The following TBC1D5 variants were observed in gnomAD, a reference collection of about 807,000 sequenced individuals.
TBC1D5 encodes TBC1 domain family, member 5.
In TBC1D5, 75 loss-of-function variants were observed where a neutral mutation model predicts 100.3. The observed-to-expected ratio is 0.75, with a 90% confidence interval of 0.62 to 0.91. TBC1D5 has a LOEUF of 0.91. Ranked by LOEUF, TBC1D5 falls within the 40% of genes least tolerant of loss-of-function variation. The pLI, the probability that TBC1D5 is intolerant of heterozygous loss-of-function variation, is 0.00. For synonymous variants in TBC1D5, 323 were observed against 325.6 expected (o/e 0.99, Z 0.09); for missense variants, 910 against 942.4 (o/e 0.97, Z 0.45).
At chr3:17,246,589 C>A (rs1414929396) in intron 16 of TBC1D5, among the ~76,000 whole-genome samples, 1 of 152,200 alleles carries the variant, frequency 6.6e-6, no homozygotes, top group East Asian at 1.9e-4. Context: ...ATGGATCACA[C>A]ATATATGGCC....
At chr3:17,399,736 G>A (rs977240482) in intron 8 of TBC1D5, among the ~76,000 whole-genome samples, 15 of 152,218 alleles carry the variant, frequency 9.9e-5, no homozygotes, top group African/African-American at 3.6e-4. Flanking sequence ...CCTGGCCTTT[G>A]CTCTCCTCTC....
intron 1 of TBC1D5, among the ~76,000 whole-genome samples, chr3:17,695,547 A>G (rs2071908274): frequency 6.6e-6 from 1 of 152,228 alleles, no homozygotes; most frequent in African/African-American, 2.4e-5. Flanking sequence ...AGAAAAGCTA[A>G]CTATCCTAAA....
intron 2 of TBC1D5, among the ~76,000 whole-genome samples, chr3:17,537,716 A>G (rs2096297152): frequency 6.6e-6 from 1 of 152,198 alleles, no homozygotes; most frequent in South Asian, 2.1e-4. Context: ...CAAGGTTCAC[A>G]TATGTTGTGG....
intron 13 of TBC1D5, among the ~76,000 whole-genome samples, chr3:17,310,780 A>C (rs972758055): frequency 6.6e-6 from 1 of 152,078 alleles, no homozygotes; most frequent in African/African-American, 2.4e-5. Context: ...TAAGTTGTAC[A>C]TGAGAGGATA....
chr3:17,534,061 TTAGAG>T (rs1459952706), intron 2 of TBC1D5, among the ~76,000 whole-genome samples: 1 of 151,926 alleles, frequency 6.6e-6, no homozygotes, highest in Admixed American at 6.6e-5. Context: ...GATGGAAGAG[TTAGAG>T]TATTGTCTTT....
chr3:17,254,766 T>TGGGGGG (rs139693043), intron 16 of TBC1D5, among the ~76,000 whole-genome samples: 1 of 73,172 alleles, frequency 1.4e-5, no homozygotes, highest in African/African-American at 5.6e-5. Flanking sequence ...GTGGCGGGGG[T>TGGGGGG]GGGGGGGGGG....
chr3:17,210,504 A>G (rs1283848408), intron 18 of TBC1D5, among the ~76,000 whole-genome samples: 2 of 152,032 alleles, frequency 1.3e-5, no homozygotes, highest in African/African-American at 2.4e-5. Flanking sequence ...CAGAACTTTC[A>G]AAGTATCGCT....
At position 17,605,150 on chromosome 3, in the gene TBC1D5, C is replaced by A. The variant is rs1297477693; in HGVS notation, c.-36+18699G>T. Among the ~76,000 whole-genome samples, 3 of 152,174 alleles carry A rather than the reference C, an allele frequency of 2.0e-5. No homozygotes were observed. In the East Asian group the frequency reaches 5.8e-4, roughly 29 times the overall value. ...TAGGCTGCATTTCCTAACAGACAAG[C>A]CTTCTCCAACTCATACAATCACCAA... is the stretch of plus-strand genomic sequence containing the variant. On this transcript the variant is annotated intron_variant, in intron 2 of 21. Transcript: ENST00000253692.
intron 2 of TBC1D5, among the ~76,000 whole-genome samples, chr3:17,514,809 C>G (rs934238253): frequency 6.6e-6 from 1 of 152,086 alleles, no homozygotes; most frequent in Non-Finnish European, 1.5e-5. Flanking sequence ...CATACAGTTT[C>G]AGAGGTCTCC....
intron 20 of TBC1D5, among the ~76,000 whole-genome samples, chr3:17,167,513 G>C (rs2066747443): frequency 6.6e-6 from 1 of 152,210 alleles, no homozygotes. Context: ...GAATGGGTTT[G>C]GTAAGAGGAA....
intron 18 of TBC1D5, among the ~76,000 whole-genome samples, chr3:17,185,718 A>T (rs917224459): frequency 6.6e-6 from 1 of 152,058 alleles, no homozygotes; most frequent in Non-Finnish European, 1.5e-5. Flanking sequence ...AAAAATAAAA[A>T]AAAAGACATA....
At chr3:17,505,185 T>A (rs2153226251) in intron 3 of TBC1D5, among the ~76,000 whole-genome samples, 1 of 152,218 alleles carries the variant, frequency 6.6e-6, no homozygotes, top group East Asian at 1.9e-4. Context: ...AGAAGGTGAA[T>A]ACTGTGACAT....
At chr3:17,305,754 C>A (rs1481441225) in intron 14 of TBC1D5, among the ~76,000 whole-genome samples, 1 of 152,148 alleles carries the variant, frequency 6.6e-6, no homozygotes, top group African/African-American at 2.4e-5. Flanking sequence ...ATTTCCCATT[C>A]TCCCTCTCCT....
At chr3:17,567,472 C>T (rs1012622861) in intron 2 of TBC1D5, among the ~76,000 whole-genome samples, 2 of 151,720 alleles carry the variant, frequency 1.3e-5, no homozygotes, top group African/African-American at 4.8e-5. Context: ...ACTCCATGTT[C>T]CTGCCATTTG....
chr3:17,249,394 G>T (rs1474545805), intron 16 of TBC1D5, among the ~76,000 whole-genome samples: 1 of 152,114 alleles, frequency 6.6e-6, no homozygotes, highest in Admixed American at 6.5e-5. Context: ...GCTATTATAG[G>T]GTTATTAATT....
chr3:17,267,535 AAC>A (rs1291491051), intron 15 of TBC1D5, among the ~76,000 whole-genome samples: 3 of 152,214 alleles, frequency 2.0e-5, no homozygotes, highest in African/African-American at 7.2e-5. Flanking sequence ...CAATTTGGGA[AAC>A]AGAGGTAAAG....
chr3:17,614,439 T>G (rs145749437), intron 2 of TBC1D5, among the ~76,000 whole-genome samples: 1 of 152,352 alleles, frequency 6.6e-6, no homozygotes, highest in African/African-American at 2.4e-5. Context: ...CATTGGTAGC[T>G]TGATGGCGAT....
chr3:17,346,104 T>C (rs887330056), intron 13 of TBC1D5, among the ~76,000 whole-genome samples: 4 of 152,150 alleles, frequency 2.6e-5, no homozygotes, highest in South Asian at 2.1e-4. Context: ...TATAATACTA[T>C]TGCCAAAAAA....
exon 16 of TBC1D5, chr3:17,258,517 C>T (rs1377432454): frequency 6.2e-7 from 1 of 1,612,066 alleles, no homozygotes; most frequent in South Asian, 1.1e-5. Flanking sequence ...GGCTTTTATT[C>T]ATGAGGTCTG....
Sources: gnomAD v4.1 joint callset for allele counts (sites outside exome capture counted in the v4.1 genomes callset) on GRCh38, gnomAD v4.1.1 for gene constraint, MANE v1.5 for transcripts, NCBI Gene and HGNC (gene_info 2026-07-23, HGNC 2026-07-21) for gene names.